Variants in SGCZ observed in about 807,000 individuals in gnomAD.
SGCZ encodes sarcoglycan zeta.
In SGCZ, 40 loss-of-function variants were observed where a neutral mutation model predicts 41.3. The observed-to-expected ratio is 0.97, with a 90% CI of 0.75 to 1.26. The LOEUF (loss-of-function observed/expected upper bound fraction) is 1.26. Among genes scored for constraint, SGCZ ranks in the 50% most tolerant of loss-of-function variants. SGCZ has a pLI of 0.00. For missense variants in SGCZ, 552 were observed against 369.8 expected (o/e 1.49, Z -4.04); for synonymous variants, 206 against 137.5 (o/e 1.50, Z -3.49).
intron 1 of SGCZ, among the ~76,000 whole-genome samples, chr8:14,580,126 T>TAATC (rs1300067490): frequency 6.6e-6 from 1 of 152,070 alleles, no homozygotes; most frequent in Non-Finnish European, 1.5e-5. Context: ...CCTAATAACA[T>TAATC]AATCACAAAC....
In SGCZ at chr8:14,618,294, T is replaced by A. The variant is rs1035965210; in HGVS notation, c.40-63368A>T. Among the ~76,000 whole-genome samples the A allele has an allele frequency of 1.3e-5, 2 of 152,198 alleles. 1 individual carries two copies. The highest frequency in any genetic ancestry group is 3.9e-4 in the East Asian group (2 of 5,188). On this transcript the variant is annotated intron_variant, in intron 1 of 7. Transcript: ENST00000382080. ...AATAGAGCAGAATTAATTTGGGAGA[T>A]AGGGGTTGAATAGAGCCCATTGCAT...
chr8:14,268,533 A>T (rs138329146), intron 3 of SGCZ, among the ~76,000 whole-genome samples: 3 of 151,992 alleles, frequency 2.0e-5, no homozygotes, highest in East Asian at 1.9e-4. Context: ...ACAGTTTTTC[A>T]TAAAGCACTG....
At chr8:14,933,017 G>C (rs1018480568) in intron 1 of SGCZ, among the ~76,000 whole-genome samples, 2 of 151,954 alleles carry the variant, frequency 1.3e-5, no homozygotes, top group Non-Finnish European at 2.9e-5. Context: ...CATAGGCACA[G>C]AGATGGAAAC....
intron 2 of SGCZ, among the ~76,000 whole-genome samples, chr8:14,404,689 G>T (rs994356260): frequency 6.6e-6 from 1 of 152,188 alleles, no homozygotes; most frequent in Non-Finnish European, 1.5e-5. Flanking sequence ...CTCCAAAGCT[G>T]CAGTTATGTC....
intron 2 of SGCZ, among the ~76,000 whole-genome samples, chr8:14,397,541 C>G (rs1304821292): frequency 2.0e-4 from 31 of 152,058 alleles, no homozygotes. Flanking sequence ...CCACTGTACA[C>G]AAAAGCCAGC....
At chr8:15,035,029 T>A (rs550876117) in intron 1 of SGCZ, among the ~76,000 whole-genome samples, 4 of 152,270 alleles carry the variant, frequency 2.6e-5, no homozygotes, top group African/African-American at 9.6e-5. Context: ...AGATGACTCA[T>A]AAACAAGTAC....
intron 1 of SGCZ, among the ~76,000 whole-genome samples, chr8:14,615,157 C>G (rs533148917): frequency 5.9e-5 from 9 of 152,290 alleles, no homozygotes; most frequent in Admixed American, 3.9e-4. Flanking sequence ...GACACTTTCT[C>G]CCATAAACTG....
chr8:14,778,005 C>A (rs369854280), intron 1 of SGCZ, among the ~76,000 whole-genome samples: 2 of 152,032 alleles, frequency 1.3e-5, no homozygotes, highest in African/African-American at 4.8e-5. Context: ...CTCACTGTAA[C>A]CTTCATCTCC....
At chr8:15,215,318 T>C (rs985211352) in intron 1 of SGCZ, among the ~76,000 whole-genome samples, 3 of 152,226 alleles carry the variant, frequency 2.0e-5, no homozygotes, top group African/African-American at 4.8e-5. Flanking sequence ...TTTCCTAAAA[T>C]GCACTGCATT....
chr8:14,376,379 C>G (rs1804130245), intron 2 of SGCZ, among the ~76,000 whole-genome samples: 1 of 151,512 alleles, frequency 6.6e-6, no homozygotes, highest in South Asian at 2.1e-4. Flanking sequence ...TGTAACAACA[C>G]AAACATACAA....
chr8:14,672,073 T>C (rs1554477439), intron 1 of SGCZ, among the ~76,000 whole-genome samples: 2 of 152,142 alleles, frequency 1.3e-5, no homozygotes, highest in Non-Finnish European at 2.9e-5. Context: ...TCATTTCATT[T>C]AGGAAATAGA....
intron 2 of SGCZ, among the ~76,000 whole-genome samples, chr8:14,540,215 G>A (rs1205605769): frequency 1.2e-5 from 1 of 84,514 alleles, no homozygotes; most frequent in African/African-American, 5.0e-5. Context: ...TATTTTCTCT[G>A]CTTAATTTTT....
At chr8:14,566,799 C>A (rs1032185485) in intron 1 of SGCZ, among the ~76,000 whole-genome samples, 11 of 152,318 alleles carry the variant, frequency 7.2e-5, no homozygotes, top group Middle Eastern at 3.4e-3. Flanking sequence ...AGCTGGCTCC[C>A]TCAGCTTGCG....
At chr8:14,268,116 A>T (rs1472016848) in intron 3 of SGCZ, among the ~76,000 whole-genome samples, 5 of 150,700 alleles carry the variant, frequency 3.3e-5, no homozygotes, top group African/African-American at 1.2e-4. Flanking sequence ...GATAATATAT[A>T]TTGTATCTTT....
At chr8:14,548,122 C>G (rs1385725593) in intron 2 of SGCZ, among the ~76,000 whole-genome samples, 2 of 152,056 alleles carry the variant, frequency 1.3e-5, no homozygotes, top group Non-Finnish European at 1.5e-5. Context: ...TCTACATCAG[C>G]CTGATGAAAT....
intron 1 of SGCZ, among the ~76,000 whole-genome samples, chr8:15,059,661 T>A (rs1804843282): frequency 6.6e-6 from 1 of 152,214 alleles, no homozygotes; most frequent in South Asian, 2.1e-4. Context: ...TAATGATACT[T>A]AACTTATATA....
chr8:14,556,020 G>A (rs917044678), intron 1 of SGCZ, among the ~76,000 whole-genome samples: 4 of 151,954 alleles, frequency 2.6e-5, no homozygotes, highest in Admixed American at 2.6e-4. Flanking sequence ...CTTTGATAAT[G>A]CATACATTCA....
chr8:15,005,908 C>T (rs930919234), intron 1 of SGCZ, among the ~76,000 whole-genome samples: 1 of 152,092 alleles, frequency 6.6e-6, no homozygotes. Flanking sequence ...ATTTTAATTG[C>T]CATGCACAAC....
chr8:14,763,336 T>A (rs1799946899), intron 1 of SGCZ, among the ~76,000 whole-genome samples: 1 of 152,068 alleles, frequency 6.6e-6, no homozygotes, highest in East Asian at 1.9e-4. Flanking sequence ...CAAAGCCCAT[T>A]CTCCAGGATT....
Sources: gnomAD v4.1 joint callset for allele counts (sites outside exome capture counted in the v4.1 genomes callset) on GRCh38, gnomAD v4.1.1 for gene constraint, MANE v1.5 for transcripts, NCBI Gene and HGNC (gene_info 2026-07-23, HGNC 2026-07-21) for gene names.